Variants in WNK1 observed in about 807,000 individuals in gnomAD.
WNK1 encodes WNK lysine deficient protein kinase 1, also known as serine/threonine-protein kinase WNK1.
WNK1 carries 38 observed loss-of-function variants against 222.8 expected under a neutral mutation model. The observed-to-expected ratio is 0.17, with a 90% CI of 0.13 to 0.22. The LOEUF is 0.22. WNK1 is among the 10% of genes least tolerant of loss of function. The probability of loss-of-function intolerance (pLI) is 1.00; values close to 1 mark genes in which losing one functional copy is unlikely to be tolerated. For synonymous variants in WNK1, 1,090 were observed against 1,092.9 expected (o/e 1.00, Z 0.05); for missense variants, 2,348 against 2,918.4 (o/e 0.80, Z 4.50).
intron 9 of WNK1, among the ~76,000 whole-genome samples, chr12:873,264 A>G (rs899253155): frequency 9.2e-5 from 14 of 152,228 alleles, no homozygotes; most frequent in African/African-American, 3.4e-4. Context: ...TATCAAATGA[A>G]GAAGATAATA....
intron 9 of WNK1, among the ~76,000 whole-genome samples, chr12:873,894 G>A (rs11064581): frequency 3.6e-3 from 546 of 152,084 alleles, no homozygotes; most frequent in African/African-American, 0.013. Context: ...CTTGAACATA[G>A]TAAATGAGGA....
At chr12:766,123 A>G (rs899766310) in intron 1 of WNK1, among the ~76,000 whole-genome samples, 1 of 152,196 alleles carries the variant, frequency 6.6e-6, no homozygotes, top group East Asian at 1.9e-4. Context: ...GAAAAATTAC[A>G]TATTGGATAC....
At chr12:820,543 A>G (rs955293256) in intron 2 of WNK1, among the ~76,000 whole-genome samples, 1 of 145,390 alleles carries the variant, frequency 6.9e-6, no homozygotes, top group Admixed American at 7.2e-5. Context: ...TGGTGCAGTC[A>G]TAGCTCACTA....
At chr12:792,071 C>T (rs1272271341) in intron 1 of WNK1, among the ~76,000 whole-genome samples, 1 of 152,064 alleles carries the variant, frequency 6.6e-6, no homozygotes, top group African/African-American at 2.4e-5. Context: ...TTTTAATTAT[C>T]TTGGTTATAC....
intron 4 of WNK1, 84 bp from the exon 5 acceptor site, chr12:857,077 C>G: frequency 7.1e-7 from 1 of 1,417,556 alleles, no homozygotes; most frequent in Non-Finnish European, 9.9e-7. Flanking sequence ...AAGAAAGGAA[C>G]CTAAAAGAAC....
chr12:800,303 T>A (rs1013662382), intron 1 of WNK1, among the ~76,000 whole-genome samples: 1 of 152,142 alleles, frequency 6.6e-6, no homozygotes, highest in Non-Finnish European at 1.5e-5. Flanking sequence ...CCTTCATTTT[T>A]TGGCTTCATC....
intron 1 of WNK1, among the ~76,000 whole-genome samples, chr12:769,240 C>T (rs1235681175): frequency 6.6e-6 from 1 of 152,000 alleles, no homozygotes; most frequent in East Asian, 1.9e-4. Flanking sequence ...ACTCTGTTAC[C>T]CAGGCTGGAG....
In WNK1 at chr12:884,241, C is replaced by A. The variant is rs748686414; in HGVS notation, c.3842C>A (p.Thr1281Lys). Residue 1281 changes from threonine to lysine, a missense_variant and splice_region_variant, in exon 18 of 28, where the codon ACA becomes AAA. By Grantham distance (78) the Thr-to-Lys change is moderately conservative. Transcript: ENST00000315939. This position sits in a 1 kb window ranked among gnomAD's most constrained non-coding sequence, Gnocchi z 5.6. The part of the protein sequence containing the change: ...SKVFPSEITD[T>K]VAASTAQSPG... ...GTTTTCCCCAGTGAAATAACAGATA[C>A]AGGTAAGGGATTGATTCTGCCACAT... The A allele has an allele frequency of 1.2e-6, 2 of 1,613,964 alleles. No individual in the cohort carries two copies. Among genetic ancestry groups the A allele is most frequent in the South Asian group, 1.1e-5 (1 of 91,080 alleles).
At position 880,816 on chromosome 12, in the gene WNK1, A is replaced by G. The variant is rs142557719; in HGVS notation, c.2928A>G (p.Leu976=). 1.6e-5 allele frequency: 26 copies of G among 1,613,892 alleles called. No individual in the cohort carries two copies. The highest frequency in any genetic ancestry group is 1.6e-4 in the Middle Eastern group (1 of 6,062). ...CTGTTTGCATCCATTCTACAGTCCTATCCCCTCCCATGCCGACAGAAGTAC... is the reference window on the plus strand; with the variant it reads ...CTGTTTGCATCCATTCTACAGTCCTGTCCCCTCCCATGCCGACAGAAGTAC... ...VASVCIHSTV[L]SPPMPTEVLA... Residue 976 remains leucine (L), a synonymous_variant, in exon 12 of 28, where the codon CTA becomes CTG. Coordinates refer to ENST00000315939, the MANE Select transcript of WNK1 (RefSeq NM_018979.4).
Position 772,644 on chromosome 12 carries a change from TA to T in WNK1, c.759+18321del, listed in dbSNP as rs553637293. 1.4e-3 allele frequency among the ~76,000 whole-genome samples: 209 copies of T among 152,276 alleles called. 1 individual carries two copies. Among genetic ancestry groups the T allele is most frequent in the African/African-American group, 3.1e-3 (129 of 41,534 alleles). On this transcript the variant is annotated intron_variant, in intron 1 of 27. Transcript: ENST00000315939. ...AACACTTGAATTCTTGAGTATATAT[TA>T]TTTTTTTAATTCTCAGTAAGAGAAA...
At chr12:835,512 A>C (rs1174162504) in intron 4 of WNK1, among the ~76,000 whole-genome samples, 1 of 152,184 alleles carries the variant, frequency 6.6e-6, no homozygotes, top group Admixed American at 6.5e-5. Flanking sequence ...CTACTGAATA[A>C]GTTTCATCTG....
At position 890,302 on chromosome 12, in the gene WNK1, G is replaced by C. The variant is rs1954094846; in HGVS notation, c.5449-151G>C. On this transcript the variant is annotated intron_variant, in intron 21 of 27. Coordinates refer to ENST00000315939, the MANE Select transcript of WNK1 (RefSeq NM_018979.4). ...AGACTTTTAGACTTTAAAAGAAAAA[G>C]GAAAGAAGATAAAATGTTCTCAGAC... The C allele has an allele frequency of 4.7e-5, 40 of 846,666 alleles. No homozygotes were observed. The South Asian group carries it at 5.8e-4, about 12-fold the overall frequency. 52.4% of individuals were successfully genotyped at this position (846,666 alleles called of 1,614,324 possible). A position where few individuals can be genotyped will look rare whatever the true frequency, so the allele number is the denominator to read the frequency against.
chr12:790,830 A>C (rs1318058313), intron 1 of WNK1, among the ~76,000 whole-genome samples: 1 of 151,666 alleles, frequency 6.6e-6, no homozygotes, highest in Non-Finnish European at 1.5e-5. Context: ...TTCTTTTGGA[A>C]GGGAACTTAA....
At chr12:828,603 A>G (rs1265629466) in intron 3 of WNK1, among the ~76,000 whole-genome samples, 7 of 152,118 alleles carry the variant, frequency 4.6e-5, no homozygotes, top group African/African-American at 1.7e-4. Flanking sequence ...TTATAACCAA[A>G]AGTGTGTCCA....
chr12:822,393 G>A (rs547713640), intron 2 of WNK1, among the ~76,000 whole-genome samples: 9 of 152,036 alleles, frequency 5.9e-5, no homozygotes, highest in African/African-American at 1.7e-4. Context: ...GCCCGCAGCC[G>A]TAATATATCA....
chr12:822,557 T>G (rs1465013899), intron 2 of WNK1, among the ~76,000 whole-genome samples: 1 of 152,180 alleles, frequency 6.6e-6, no homozygotes, highest in Non-Finnish European at 1.5e-5. Flanking sequence ...AGTGGTTACC[T>G]TGAGGATCAC....
Position 884,599 on chromosome 12 carries a change from T to C in WNK1, c.3845-50T>C, listed in dbSNP as rs753722301. ...TTAGGCTAGCAGACAATCTTTTGAA[T>C]CCATCCTTTTAAAATCAGCTGATTC... On this transcript the variant is annotated intron_variant, in intron 18 of 27. Coordinates refer to ENST00000315939, the MANE Select transcript of WNK1 (RefSeq NM_018979.4). The surrounding 1 kb of genome is among the most constrained non-coding windows in gnomAD (Gnocchi z 5.6). 6.4e-7 allele frequency: 1 copy of C among 1,567,836 alleles called. No homozygotes were observed. The highest frequency in any genetic ancestry group is 1.1e-5 in the South Asian group (1 of 90,018).
At position 753,600 on chromosome 12, in the gene WNK1, C is replaced by T. The variant is rs958802654; in HGVS notation, c.35C>T (p.Thr12Ile). The change falls in exon 1 of 28, where the codon ACT becomes ATT. Residue 12 changes from threonine (T) to isoleucine (I), a missense_variant. Transcript: ENST00000315939. The surrounding 1 kb of genome is among the most constrained non-coding windows in gnomAD (Gnocchi z 5.2). The stretch of plus-strand genomic sequence containing the variant: ...GGCGCCGCAGAGAAGCAGAGCAGCA[C>T]TCCCGGTTCCCTGTTCCTCTCGCCG... ...SGGAAEKQSS[T>I]PGSLFLSPPA... 1 of 1,612,778 alleles carries T rather than the reference C, an allele frequency of 6.2e-7. No individual in the cohort carries two copies. The highest frequency in any genetic ancestry group is 8.5e-7 in the Non-Finnish European group (1 of 1,179,928).
intron 4 of WNK1, among the ~76,000 whole-genome samples, chr12:833,101 G>A (rs1948926305): frequency 1.3e-5 from 2 of 151,706 alleles, no homozygotes; most frequent in Admixed American, 6.6e-5. Context: ...AAACTTAAGA[G>A]GTATATTTGA....
Sources: allele counts gnomAD v4.1 joint callset (sites outside exome capture counted in the v4.1 genomes callset), GRCh38; gene constraint gnomAD v4.1.1; non-coding constraint Gnocchi (gnomAD v3.1); transcripts MANE v1.5; gene names NCBI Gene and HGNC (gene_info 2026-07-23, HGNC 2026-07-21).